TRIP12: variants seen among roughly 807,000 people sequenced by gnomAD.
The protein encoded by TRIP12 is thyroid hormone receptor interactor 12.
TRIP12 carries 25 observed loss-of-function variants against 244.2 expected under a neutral mutation model. The observed-to-expected ratio is 0.10, with a 90% CI of 0.07 to 0.14. The LOEUF is 0.14. TRIP12 is among the 10% of genes least tolerant of loss of function. The pLI is 1.00. For missense variants in TRIP12, 1,677 were observed against 2,486.4 expected, an observed-to-expected ratio of 0.67 and a Z score of 6.92; for synonymous variants, 905 against 873.1, an observed-to-expected ratio of 1.04 and a Z score of -0.64.
chr2:229,851,397 G>A (rs1475578303), intron 4 of TRIP12, among the ~76,000 whole-genome samples: 2 of 152,098 alleles, frequency 1.3e-5, no homozygotes, highest in Non-Finnish European at 2.9e-5. Context: ...TGGGGACATG[G>A]AGAACCTTTA....
chr2:229,882,681 ATAG>A (rs2065126788), intron 1 of TRIP12, among the ~76,000 whole-genome samples: 1 of 152,252 alleles, frequency 6.6e-6, no homozygotes, highest in East Asian at 1.9e-4. Flanking sequence ...AAGGCAAAGA[ATAG>A]TATTATAAAC....
intron 1 of TRIP12, among the ~76,000 whole-genome samples, chr2:229,913,700 T>G (rs2074792233): frequency 6.6e-6 from 1 of 152,218 alleles, no homozygotes; most frequent in Admixed American, 6.5e-5. Flanking sequence ...ACATCGTTTC[T>G]CAATGTGTCA....
intron 1 of TRIP12, among the ~76,000 whole-genome samples, chr2:229,919,115 T>C (rs187556380): frequency 7.9e-5 from 12 of 152,264 alleles, no homozygotes; most frequent in Admixed American, 3.9e-4. Flanking sequence ...AATACAATAA[T>C]CTTACAAGTT....
intron 2 of TRIP12, 80 bp from the exon 3 acceptor site, chr2:229,860,611 T>C: frequency 7.6e-7 from 1 of 1,309,104 alleles, no homozygotes; most frequent in Non-Finnish European, 1.0e-6. Flanking sequence ...TATTTTTATA[T>C]ATTTCTTAAA....
At chr2:229,804,968 G>C (rs2045472788) in intron 18 of TRIP12, among the ~76,000 whole-genome samples, 1 of 152,060 alleles carries the variant, frequency 6.6e-6, no homozygotes, top group South Asian at 2.1e-4. Context: ...TGTGGTGGCA[G>C]GATCTCAGCT....
intron 2 of TRIP12, among the ~76,000 whole-genome samples, chr2:229,864,047 A>AGAGAGAGAGAGAGTGAGTGT: frequency 1.1e-3 from 84 of 79,238 alleles, no homozygotes; most frequent in Middle Eastern, 9.1e-3. Flanking sequence ...AGAGAGAGAG[A>AGAGAGAGAGAGAGTGAGTGT]GTGTGTGTGT....
intron 26 of TRIP12, 177 bp downstream of exon 26, chr2:229,795,002 A>T (rs980231749): frequency 2.5e-5 from 15 of 610,130 alleles, no homozygotes; most frequent in Non-Finnish European, 4.0e-5. Flanking sequence ...CATATGGTAT[A>T]ATTTTAAAGA....
At chr2:229,795,697 A>G (rs905514486) in intron 25 of TRIP12, among the ~76,000 whole-genome samples, 1 of 152,240 alleles carries the variant, frequency 6.6e-6, no homozygotes, top group Non-Finnish European at 1.5e-5. Context: ...ATACAGTGCT[A>G]TTCAGAAACT....
At chr2:229,887,595 A>G (rs2066326055) in intron 1 of TRIP12, among the ~76,000 whole-genome samples, 1 of 120,774 alleles carries the variant, frequency 8.3e-6, no homozygotes, top group African/African-American at 3.2e-5. Context: ...CATTTTGATG[A>G]CAGGATCTAC....
chr2:229,830,343 A>G (rs960336972), intron 7 of TRIP12, among the ~76,000 whole-genome samples: 23 of 152,360 alleles, frequency 1.5e-4, no homozygotes, highest in African/African-American at 4.1e-4. Context: ...GCAGTAGGAT[A>G]TAAATAACTC....
intron 5 of TRIP12, among the ~76,000 whole-genome samples, chr2:229,840,441 C>T (rs1018848448): frequency 2.0e-5 from 3 of 152,130 alleles, no homozygotes; most frequent in African/African-American, 7.2e-5. Context: ...GTGGCTCACG[C>T]CTGTAATCCC....
chr2:229,840,950 T>G (rs1224821291), intron 4 of TRIP12, 23 bp from the exon 5 acceptor site: 1 of 1,508,670 alleles, frequency 6.6e-7, no homozygotes. Context: ...AATGGAAAAG[T>G]GTAATTTTAT....
At chr2:229,881,791 GTA>G (rs2064938611) in intron 1 of TRIP12, among the ~76,000 whole-genome samples, 1 of 152,150 alleles carries the variant, frequency 6.6e-6, no homozygotes, top group Non-Finnish European at 1.5e-5. Context: ...AAGAAGACTT[GTA>G]TATAAGTTTC....
At chr2:229,807,082 C>T (rs1335752807) in intron 17 of TRIP12, among the ~76,000 whole-genome samples, 1 of 152,172 alleles carries the variant, frequency 6.6e-6, no homozygotes, top group East Asian at 1.9e-4. Context: ...AAAACTGTCA[C>T]AGAAAATCAC....
At chr2:229,911,768 C>T (rs1247379805) in intron 1 of TRIP12, among the ~76,000 whole-genome samples, 2 of 151,708 alleles carry the variant, frequency 1.3e-5, no homozygotes, top group African/African-American at 4.8e-5. Context: ...ATGCAGAGTG[C>T]AAAGCGAATA....
chr2:229,922,782 C>T (rs2076790114), upstream of TRIP12, among the ~76,000 whole-genome samples: 5 of 152,324 alleles, frequency 3.3e-5, no homozygotes, highest in Admixed American at 3.3e-4. Flanking sequence ...TCCGACGGCC[C>T]GCGTGTCCCT....
At chr2:229,841,275 A>T (rs1304176644) in intron 4 of TRIP12, among the ~76,000 whole-genome samples, 1 of 152,186 alleles carries the variant, frequency 6.6e-6, no homozygotes, top group Non-Finnish European at 1.5e-5. Flanking sequence ...GAATTTACTA[A>T]ACGTCATTAA....
At position 229,825,184 on chromosome 2, in the gene TRIP12, T is replaced by C. The variant is rs758232257; in HGVS notation, c.1450+4009A>G. 3.3e-5 allele frequency among the ~76,000 whole-genome samples: 5 copies of C among 152,348 alleles called. No homozygotes were observed. In the South Asian group the frequency reaches 8.3e-4, roughly 25 times the overall value. ...GTGGGATAAAGCAAATGAGTCACTA[T>C]ATTATAATTATTGGGAATTAGGACA... On this transcript the variant is annotated intron_variant, in intron 8 of 41. Coordinates refer to ENST00000675903, the MANE Select transcript of TRIP12 (RefSeq NM_001348323.3).
At chr2:229,801,918 G>C (rs2044468012) in intron 21 of TRIP12, among the ~76,000 whole-genome samples, 1 of 152,132 alleles carries the variant, frequency 6.6e-6, no homozygotes, top group African/African-American at 2.4e-5. Context: ...ATAGTCACAA[G>C]ATTATGAAAT....
Sources: allele counts gnomAD v4.1 joint callset (sites outside exome capture counted in the v4.1 genomes callset), GRCh38; gene constraint gnomAD v4.1.1; transcripts MANE v1.5; gene names NCBI Gene and HGNC (gene_info 2026-07-23, HGNC 2026-07-21).